Variants in SYT1 observed in about 807,000 individuals in gnomAD.
SYT1 encodes synaptotagmin-1.
SYT1 carries 8 observed loss-of-function variants against 44.8 expected under a neutral mutation model. The observed-to-expected ratio is 0.18, with a 90% CI of 0.10 to 0.32. The LOEUF (loss-of-function observed/expected upper bound fraction) is 0.32. SYT1 is among the 10% of genes least tolerant of loss of function. SYT1 has a pLI of 1.00. For missense variants in SYT1, 286 were observed against 509.3 expected, an observed-to-expected ratio of 0.56 and a Z score of 4.22; for synonymous variants, 154 against 188.8, an observed-to-expected ratio of 0.82 and a Z score of 1.51.
intron 9 of SYT1, among the ~76,000 whole-genome samples, chr12:79,395,848 A>G (rs1012621255): frequency 1.3e-5 from 2 of 152,378 alleles, no homozygotes; most frequent in African/African-American, 4.8e-5. Context: ...TCATATCAAA[A>G]TAAATTTAAA....
intron 3 of SYT1, among the ~76,000 whole-genome samples, chr12:79,128,967 T>C (rs1023774283): frequency 2.0e-5 from 3 of 152,144 alleles, no homozygotes; most frequent in South Asian, 4.1e-4. Flanking sequence ...AAAGTGTAGA[T>C]ATAAGACAAA....
intron 4 of SYT1, among the ~76,000 whole-genome samples, chr12:79,265,388 A>C (rs1404252566): frequency 6.6e-6 from 1 of 152,172 alleles, no homozygotes; most frequent in African/African-American, 2.4e-5. Context: ...TGTTATGATT[A>C]ATAGCAATTA....
At chr12:79,086,773 A>G (rs1187816196) in intron 3 of SYT1, among the ~76,000 whole-genome samples, 2 of 152,142 alleles carry the variant, frequency 1.3e-5, no homozygotes, top group Non-Finnish European at 2.9e-5. Context: ...TTCCAATGAC[A>G]TGTGATGTGG....
At chr12:79,076,974 C>T (rs1012140042) in intron 3 of SYT1, among the ~76,000 whole-genome samples, 9 of 152,168 alleles carry the variant, frequency 5.9e-5, no homozygotes, top group South Asian at 2.1e-4. Flanking sequence ...CCCAACTCTT[C>T]TCTGGATTTT....
At chr12:79,308,725 T>A (rs557391749) in intron 8 of SYT1, among the ~76,000 whole-genome samples, 4 of 152,068 alleles carry the variant, frequency 2.6e-5, no homozygotes, top group Admixed American at 6.5e-5. Flanking sequence ...TTCTCCAAGG[T>A]CTGTATTCGC....
intron 1 of SYT1, among the ~76,000 whole-genome samples, chr12:78,879,907 T>C (rs1205955353): frequency 6.6e-6 from 1 of 151,722 alleles, no homozygotes; most frequent in Non-Finnish European, 1.5e-5. Context: ...CTGGTTATGA[T>C]GTTGGAGTGC....
intron 8 of SYT1, among the ~76,000 whole-genome samples, chr12:79,351,499 C>T (rs1313728662): frequency 2.0e-5 from 3 of 151,468 alleles, no homozygotes; most frequent in Non-Finnish European, 4.4e-5. Flanking sequence ...AATCAGTTCC[C>T]CAAGGAGGCT....
intron 9 of SYT1, among the ~76,000 whole-genome samples, chr12:79,374,533 T>A (rs926972035): frequency 6.6e-6 from 1 of 152,186 alleles, no homozygotes; most frequent in Non-Finnish European, 1.5e-5. Context: ...TTTTCAAAAA[T>A]AATGCCGGGT....
chr12:78,997,817 A>C (rs531044825), intron 2 of SYT1, among the ~76,000 whole-genome samples: 1 of 152,288 alleles, frequency 6.6e-6, no homozygotes, highest in South Asian at 2.1e-4. Context: ...GTATCCCCTC[A>C]CCCAGCAGCC....
chr12:79,010,869 A>G (rs981719414), intron 2 of SYT1, among the ~76,000 whole-genome samples: 7 of 152,182 alleles, frequency 4.6e-5, no homozygotes, highest in South Asian at 2.1e-4. Context: ...TTCATTTTAT[A>G]TTTACCTAAT....
chr12:79,281,169 G>T (rs1016943193), intron 4 of SYT1, among the ~76,000 whole-genome samples: 3 of 151,934 alleles, frequency 2.0e-5, no homozygotes, highest in Non-Finnish European at 2.9e-5. Context: ...CAAAGAAAAA[G>T]AAGCCATTAT....
At chr12:78,929,825 T>G (rs1282225164) in intron 1 of SYT1, among the ~76,000 whole-genome samples, 1 of 152,216 alleles carries the variant, frequency 6.6e-6, no homozygotes, top group African/African-American at 2.4e-5. Context: ...CTTCTGGTTT[T>G]GTATGTATGA....
At chr12:79,376,028 A>G (rs867471903) in intron 9 of SYT1, among the ~76,000 whole-genome samples, 1 of 152,218 alleles carries the variant, frequency 6.6e-6, no homozygotes, top group South Asian at 2.1e-4. Flanking sequence ...TATCTTATCC[A>G]TAATGTTTAT....
At chr12:78,909,487 GA>G (rs1284406460) in intron 1 of SYT1, among the ~76,000 whole-genome samples, 6 of 151,672 alleles carry the variant, frequency 4.0e-5, no homozygotes, top group African/African-American at 1.5e-4. Flanking sequence ...TATCCATAGG[GA>G]AAAAAATCCA....
chr12:79,174,536 T>C (rs1871740838), intron 3 of SYT1, among the ~76,000 whole-genome samples: 1 of 152,026 alleles, frequency 6.6e-6, no homozygotes, highest in South Asian at 2.1e-4. Context: ...GTCAGTAACA[T>C]ATGATTTATG....
chr12:78,909,044 TC>T (rs1380475934), intron 1 of SYT1, among the ~76,000 whole-genome samples: 1 of 151,934 alleles, frequency 6.6e-6, no homozygotes. Context: ...GTATTGCTCC[TC>T]CCTGTGGATA....
intron 8 of SYT1, among the ~76,000 whole-genome samples, chr12:79,310,165 C>T (rs1318124113): frequency 9.3e-4 from 138 of 148,142 alleles, no homozygotes; most frequent in African/African-American, 2.0e-3. Flanking sequence ...ACGTTTAAGT[C>T]TTTAATCCAT....
At chr12:79,332,862 G>T (rs1260339799) in intron 8 of SYT1, among the ~76,000 whole-genome samples, 1 of 151,992 alleles carries the variant, frequency 6.6e-6, no homozygotes, top group Non-Finnish European at 1.5e-5. Flanking sequence ...CCCCAAAATG[G>T]AATTAAATGG....
chr12:78,974,680 C>CCCGCCTCAG (rs1565744442), intron 1 of SYT1, among the ~76,000 whole-genome samples: 1 of 152,152 alleles, frequency 6.6e-6, no homozygotes, highest in Non-Finnish European at 1.5e-5. Flanking sequence ...TCGTGATCCG[C>CCCGCCTCAG]CCGCCTCAGC....
Sources: gnomAD v4.1 joint callset for allele counts (sites outside exome capture counted in the v4.1 genomes callset) on GRCh38, gnomAD v4.1.1 for gene constraint, MANE v1.5 for transcripts, NCBI Gene and HGNC (gene_info 2026-07-23, HGNC 2026-07-21) for gene names.